LOC128462377: variants seen among roughly 807,000 people sequenced by gnomAD.
chr16:89,319,334 C>A, the LOC128462377 span, among the ~76,000 whole-genome samples: 1 of 152,230 alleles, frequency 6.6e-6, no homozygotes, highest in African/African-American at 2.4e-5. Flanking sequence ...AGGCACCTTC[C>A]CCAATGGACC....
the LOC128462377 span, among the ~76,000 whole-genome samples, chr16:89,366,771 C>T: frequency 6.6e-6 from 1 of 152,200 alleles, no homozygotes; most frequent in Non-Finnish European, 1.5e-5. Context: ...ATGGGTACAC[C>T]AAGTCCCACT....
At chr16:89,345,181 C>T in the LOC128462377 span, among the ~76,000 whole-genome samples, 1 of 152,096 alleles carries the variant, frequency 6.6e-6, no homozygotes, top group Admixed American at 6.5e-5. Context: ...CAAAAAGACA[C>T]TGTACAATCT....
chr16:89,407,718 T>G, the LOC128462377 span, among the ~76,000 whole-genome samples: 2 of 152,124 alleles, frequency 1.3e-5, no homozygotes. Flanking sequence ...GGCATTGTGG[T>G]GTGCCCCTGC....
the LOC128462377 span, among the ~76,000 whole-genome samples, chr16:89,335,629 C>T: frequency 2.0e-5 from 3 of 152,188 alleles, no homozygotes; most frequent in Non-Finnish European, 4.4e-5. Context: ...CCGTCACACA[C>T]ACAAGCTGAG....
chr16:89,403,381 A>AG, the LOC128462377 span, among the ~76,000 whole-genome samples: 1 of 152,014 alleles, frequency 6.6e-6, no homozygotes, highest in Non-Finnish European at 1.5e-5. Context: ...CATCTGTCTG[A>AG]GGATAGGAAG....
the LOC128462377 span, among the ~76,000 whole-genome samples, chr16:89,384,376 C>T: frequency 4.6e-5 from 7 of 152,234 alleles, no homozygotes; most frequent in Admixed American, 4.6e-4. Context: ...ATGAAAAATA[C>T]AAAAATTAGC....
the LOC128462377 span, among the ~76,000 whole-genome samples, chr16:89,391,572 GT>G: frequency 6.6e-6 from 1 of 152,124 alleles, no homozygotes; most frequent in South Asian, 2.1e-4. Context: ...AAAAATCTGA[GT>G]TTTCCCCCTC....
chr16:89,386,895 G>A, the LOC128462377 span, among the ~76,000 whole-genome samples: 2 of 152,142 alleles, frequency 1.3e-5, no homozygotes, highest in Admixed American at 6.5e-5. Flanking sequence ...GTGCCAGCAA[G>A]AGACCCTGCC....
At chr16:89,324,605 G>A in the LOC128462377 span, 9 of 436,918 alleles carry the variant, frequency 2.1e-5, no homozygotes, top group Middle Eastern at 6.9e-4. Flanking sequence ...CTGCCAGCAC[G>A]GCAGATCTGC....
chr16:89,396,762 C>T, the LOC128462377 span, among the ~76,000 whole-genome samples: 1 of 152,346 alleles, frequency 6.6e-6, no homozygotes, highest in South Asian at 2.1e-4. Context: ...TCTTGGCTCA[C>T]TGCAACCTCC....
At chr16:89,376,555 A>C in the LOC128462377 span, among the ~76,000 whole-genome samples, 1 of 152,156 alleles carries the variant, frequency 6.6e-6, no homozygotes, top group Non-Finnish European at 1.5e-5. Context: ...CTCCTGCCTC[A>C]GCCTCCCAAG....
the LOC128462377 span, among the ~76,000 whole-genome samples, chr16:89,346,286 A>T: frequency 3.3e-5 from 5 of 151,556 alleles, no homozygotes; most frequent in East Asian, 9.7e-4. Context: ...AACACAACAG[A>T]GAAAATGCGC....
chr16:89,406,907 G>A, the LOC128462377 span, among the ~76,000 whole-genome samples: 1 of 152,214 alleles, frequency 6.6e-6, no homozygotes, highest in Non-Finnish European at 1.5e-5. Context: ...GGCCGGACGT[G>A]GTGGCTCACG....
At chr16:89,320,272 C>G in the LOC128462377 span, 2 of 152,288 alleles carry the variant, frequency 1.3e-5, no homozygotes, top group Non-Finnish European at 2.9e-5. Flanking sequence ...CCGGGTCTCA[C>G]TCCCGGGGGA....
At chr16:89,374,068 G>A in the LOC128462377 span, among the ~76,000 whole-genome samples, 22 of 152,332 alleles carry the variant, frequency 1.4e-4, no homozygotes, top group South Asian at 8.3e-4. Context: ...TGTGAGGCCC[G>A]CAGAGAGGGG....
chr16:89,353,739 C>G, the LOC128462377 span, among the ~76,000 whole-genome samples: 2 of 152,190 alleles, frequency 1.3e-5, no homozygotes, highest in Non-Finnish European at 1.5e-5. Flanking sequence ...CTGGGCCTCC[C>G]AAAGTGCTGG....
At chr16:89,353,203 A>G in the LOC128462377 span, among the ~76,000 whole-genome samples, 6 of 151,996 alleles carry the variant, frequency 3.9e-5, no homozygotes, top group South Asian at 2.1e-4. Flanking sequence ...TTAGCCGTGC[A>G]TGGTGGCAGA....
the LOC128462377 span, among the ~76,000 whole-genome samples, chr16:89,384,336 G>A: frequency 0.51 from 77,379 of 152,110 alleles, 20,194 homozygotes; most frequent in Middle Eastern, 0.72. Context: ...TTCGAGACCA[G>A]CCCGTCCAAC....
At chr16:89,344,974 G>A in the LOC128462377 span, among the ~76,000 whole-genome samples, 27 of 152,330 alleles carry the variant, frequency 1.8e-4, no homozygotes, top group East Asian at 3.1e-3. Context: ...TCAGGAAAAA[G>A]CACAAACACA....
Sources: gnomAD v4.1 joint callset for allele counts (sites outside exome capture counted in the v4.1 genomes callset) on GRCh38, gnomAD v4.1.1 for gene constraint, MANE v1.5 for transcripts.